XKR4: variants seen among roughly 807,000 people sequenced by gnomAD.
XKR4 encodes XK related 4.
In XKR4, 12 loss-of-function variants were observed where a neutral mutation model predicts 53.9. The ratio of observed to expected loss-of-function variants is 0.22; its 90% CI spans 0.14 to 0.36. The LOEUF (loss-of-function observed/expected upper bound fraction) is 0.36, where lower values mean the gene tolerates loss of function less well. Among genes scored for constraint, XKR4 ranks in the 10% least tolerant of loss-of-function variants. XKR4 has a pLI of 1.00. For missense variants in XKR4, 799 were observed against 859.5 expected (o/e 0.93, Z 0.88); for synonymous variants, 354 against 362.4 (o/e 0.98, Z 0.26).
chr8:55,202,238 G>T lies in XKR4; in HGVS notation c.806+98944G>T, dbSNP rs77174623. 5.0e-3 allele frequency among the ~76,000 whole-genome samples: 755 copies of T among 152,282 alleles called. 11 individuals carry two copies. Among genetic ancestry groups the T allele is most frequent in the African/African-American group, 0.018 (728 of 41,540 alleles). ...AGTCGGGGGTATGAGGGACCTGAGG[G>T]TTCGATATGTCATTACAGCCAGTTG... On this transcript the variant is annotated intron_variant, in intron 1 of 2. Transcript: ENST00000327381.
chr8:55,506,237 A>G (rs2129404056), intron 2 of XKR4, among the ~76,000 whole-genome samples: 1 of 152,352 alleles, frequency 6.6e-6, no homozygotes, highest in South Asian at 2.1e-4. Context: ...AGGACTTAGG[A>G]CAGTGGGTGA....
intron 2 of XKR4, among the ~76,000 whole-genome samples, chr8:55,495,492 CT>C (rs1348774060): frequency 2.0e-5 from 3 of 152,220 alleles, no homozygotes; most frequent in Non-Finnish European, 4.4e-5. Context: ...TGCTGTGCCC[CT>C]CTCTACCCAT....
At chr8:55,324,624 C>G (rs544866512) in intron 1 of XKR4, among the ~76,000 whole-genome samples, 28 of 152,308 alleles carry the variant, frequency 1.8e-4, no homozygotes, top group African/African-American at 6.7e-4. Flanking sequence ...TATGGCTTAA[C>G]TCACTGTAGG....
At chr8:55,402,447 G>T (rs1804614743) in intron 2 of XKR4, among the ~76,000 whole-genome samples, 1 of 152,174 alleles carries the variant, frequency 6.6e-6, no homozygotes, top group Admixed American at 6.5e-5. Context: ...GCCAATGTGG[G>T]ACCAAAAGAG....
intron 2 of XKR4, among the ~76,000 whole-genome samples, chr8:55,435,959 C>T (rs1008827002): frequency 7.2e-5 from 11 of 152,128 alleles, no homozygotes; most frequent in Non-Finnish European, 8.8e-5. Flanking sequence ...AGACACATTC[C>T]CTGCAACATT....
chr8:55,456,491 C>G (rs1805572748), intron 2 of XKR4, among the ~76,000 whole-genome samples: 1 of 151,954 alleles, frequency 6.6e-6, no homozygotes, highest in Non-Finnish European at 1.5e-5. Flanking sequence ...CAGAGTAGAC[C>G]TAGATGATAT....
At chr8:55,238,937 A>C (rs911038168) in intron 1 of XKR4, among the ~76,000 whole-genome samples, 1 of 152,202 alleles carries the variant, frequency 6.6e-6, no homozygotes, top group Non-Finnish European at 1.5e-5. Context: ...TCAGTTCTCT[A>C]TCTATCTGAC....
chr8:55,460,693 C>T lies in XKR4; in HGVS notation c.1007-62588C>T, dbSNP rs564194285. Among the ~76,000 whole-genome samples the T allele has an allele frequency of 1.4e-3, 213 of 152,200 alleles. 2 individuals are homozygous for T. Among genetic ancestry groups the T allele is most frequent in the Non-Finnish European group, 2.5e-4 (17 of 67,998 alleles). Reference sequence around the variant, plus strand: ...GAAGCAGGGTGAGGCATCGCCTCACCCGGGAAGCACAAGGGGTCAGGGAAT... The same window carrying T: ...GAAGCAGGGTGAGGCATCGCCTCACTCGGGAAGCACAAGGGGTCAGGGAAT... On this transcript the variant is annotated intron_variant, in intron 2 of 2. Coordinates refer to ENST00000327381, the MANE Select transcript of XKR4 (RefSeq NM_052898.2).
At chr8:55,240,834 G>A (rs1171587489) in intron 1 of XKR4, among the ~76,000 whole-genome samples, 2 of 152,184 alleles carry the variant, frequency 1.3e-5, no homozygotes, top group Admixed American at 6.5e-5. Flanking sequence ...ATGAAGAAAT[G>A]ATTGAGTTGC....
chr8:55,157,393 TGTG>T (rs1306201018), intron 1 of XKR4, among the ~76,000 whole-genome samples: 2 of 152,138 alleles, frequency 1.3e-5, no homozygotes, highest in Admixed American at 6.5e-5. Context: ...AAGAGGGAGA[TGTG>T]GTCTGTTTTG....
intron 2 of XKR4, among the ~76,000 whole-genome samples, chr8:55,442,941 T>C (rs936600868): frequency 3.3e-5 from 5 of 152,182 alleles, no homozygotes; most frequent in Non-Finnish European, 5.9e-5. Flanking sequence ...TGTAATAGTA[T>C]ATAAAATATA....
At chr8:55,291,178 T>C (rs1278812222) in intron 1 of XKR4, among the ~76,000 whole-genome samples, 1 of 152,222 alleles carries the variant, frequency 6.6e-6, no homozygotes, top group Non-Finnish European at 1.5e-5. Flanking sequence ...GTTGGTGATA[T>C]ATGTGTAGGT....
At position 55,414,225 on chromosome 8, in the gene XKR4, A is replaced by G. The variant is rs548887398; in HGVS notation, c.1006+56348A>G. 1.2e-3 allele frequency among the ~76,000 whole-genome samples: 185 copies of G among 152,334 alleles called. 1 individual carries two copies. Among genetic ancestry groups the G allele is most frequent in the African/African-American group, 4.4e-3 (182 of 41,586 alleles). ...AGAATATTAAATAGAGGCCTTGTCT[A>G]ACATCAAGTTGCCTAACTGTTCCTT... is the stretch of plus-strand genomic sequence containing the variant. On this transcript the variant is annotated intron_variant, in intron 2 of 2. Coordinates refer to ENST00000327381, the MANE Select transcript of XKR4 (RefSeq NM_052898.2).
Position 55,357,699 on chromosome 8 carries a change from A to T in XKR4, c.828A>T (p.Leu276Phe). ...QIWRYFHTIY[L>F]GIRSRQSGEN... is the part of the protein sequence containing the mutation. ...CTAGATATTTCCACACAATATACTT[A>T]GGTATTCGAAGCCGACAGAGTGGGG... The change falls in exon 2 of 3, where the codon TTA becomes TTT. Residue 276 changes from leucine to phenylalanine, a missense_variant. Around this residue, in one of 3 missense-constraint regions of XKR4, gnomAD observed 476 missense variants for 505.4 expected, o/e 0.94. Coordinates refer to ENST00000327381, the MANE Select transcript of XKR4 (RefSeq NM_052898.2). The T allele has an allele frequency of 6.2e-7, 1 of 1,614,156 alleles. No homozygotes were observed. Among genetic ancestry groups the T allele is most frequent in the African/African-American group, 1.3e-5 (1 of 75,042 alleles).
chr8:55,237,718 T>C (rs571720170), intron 1 of XKR4, among the ~76,000 whole-genome samples: 3 of 152,364 alleles, frequency 2.0e-5, no homozygotes, highest in African/African-American at 4.8e-5. Context: ...ATGAACACTG[T>C]GTGATGAACA....
chr8:55,325,226 G>C (rs560487156), intron 1 of XKR4, among the ~76,000 whole-genome samples: 9 of 152,244 alleles, frequency 5.9e-5, no homozygotes, highest in Middle Eastern at 3.4e-3. Context: ...TAGTGTTGCT[G>C]TGCTATAATC....
chr8:55,391,450 G>T (rs576548750), intron 2 of XKR4, among the ~76,000 whole-genome samples: 2 of 152,240 alleles, frequency 1.3e-5, no homozygotes, highest in African/African-American at 2.4e-5. Context: ...AAAAGAGAAA[G>T]AAATCTGTGT....
At chr8:55,248,508 A>T (rs968644877) in intron 1 of XKR4, among the ~76,000 whole-genome samples, 5 of 152,374 alleles carry the variant, frequency 3.3e-5, no homozygotes, top group East Asian at 3.9e-4. Context: ...TAAATATTTT[A>T]TCATATATCA....
At chr8:55,122,106 A>G (rs746529036) in intron 1 of XKR4, among the ~76,000 whole-genome samples, 58 of 152,276 alleles carry the variant, frequency 3.8e-4, no homozygotes, top group Non-Finnish European at 7.3e-4. Flanking sequence ...TTAAAAGCAG[A>G]TAATGAATTA....
Sources: gnomAD v4.1 joint callset for allele counts (sites outside exome capture counted in the v4.1 genomes callset) on GRCh38, gnomAD v4.1.1 for gene constraint, gnomAD v4.1.1 regional missense constraint, MANE v1.5 for transcripts, NCBI Gene and HGNC (gene_info 2026-07-23, HGNC 2026-07-21) for gene names.